FNBP4: variants seen among roughly 807,000 people sequenced by gnomAD.
FNBP4 encodes formin-binding protein 4.
Under a neutral mutation model 119.3 loss-of-function variants are expected in FNBP4, and 34 were observed. The observed-to-expected ratio is 0.28, with a 90% CI of 0.22 to 0.38. The LOEUF is 0.38. Ranked by LOEUF, FNBP4 falls within the 10% of genes least tolerant of loss-of-function variation. The pLI, the probability that FNBP4 is intolerant of heterozygous loss-of-function variation, is 1.00. For synonymous variants in FNBP4, 462 were observed against 430.6 expected (o/e 1.07, Z -0.90); for missense variants, 1,112 against 1,228.9 (o/e 0.90, Z 1.42).
chr11:47,766,928 G>A (rs1027425834), intron 1 of FNBP4, 141 bp downstream of exon 1: 107 of 1,358,462 alleles, frequency 7.9e-5, no homozygotes, highest in Middle Eastern at 2.7e-4. Context: ...GGAGCCCAGG[G>A]CCGCCCCGCC....
At position 47,723,113 on chromosome 11, in the gene FNBP4, G is replaced by C. The variant is rs1195979385; in HGVS notation, c.2668C>G (p.Pro890Ala). 2.5e-6 allele frequency: 4 copies of C among 1,613,886 alleles called. No homozygotes were observed. The highest frequency in any genetic ancestry group is 1.7e-5 in the Admixed American group (1 of 59,958). The change falls in exon 15 of 17, where the codon CCA (proline) becomes GCA (alanine). Residue 890 changes from proline (P) to alanine (A), a missense_variant. Physicochemically the swap from Pro to Ala is conservative, Grantham distance 27. Around this residue, in one of 2 missense-constraint regions of FNBP4, gnomAD observed 826 missense variants for 988.8 expected, o/e 0.84. Coordinates refer to ENST00000263773, the MANE Select transcript of FNBP4 (RefSeq NM_015308.5). ...GGCACAGCACCTCGGGCCTGAACTG[G>C]CTGCAATGAGGGAGCAGTCACTCCA... ...PIGVTAPSLQPVQARGAVPTA... is the reference protein window; with the variant it reads ...PIGVTAPSLQAVQARGAVPTA...
intron 2 of FNBP4, among the ~76,000 whole-genome samples, chr11:47,756,803 T>C (rs1245885732): frequency 1.3e-5 from 2 of 152,258 alleles, no homozygotes; most frequent in Non-Finnish European, 1.5e-5. Flanking sequence ...TGTTTGGTTT[T>C]CTGTCCTTGC....
At chr11:47,718,815 A>G (rs1214759138) in intron 16 of FNBP4, among the ~76,000 whole-genome samples, 1 of 152,020 alleles carries the variant, frequency 6.6e-6, no homozygotes, top group Admixed American at 6.6e-5. Context: ...AGTCTTTAAA[A>G]TTTCTAGAAT....
rs35333558 is a variant in FNBP4 at position 47,755,141 on chromosome 11, T to TA, written c.314-478dup. 9.5e-3 allele frequency among the ~76,000 whole-genome samples: 1,172 copies of TA among 122,728 alleles called. 17 individuals carry two copies. The highest frequency in any genetic ancestry group is 0.033 in the African/African-American group (1,016 of 30,850). 80.5% of individuals were successfully genotyped at this position (122,728 alleles called of 152,430 possible). ...AGAGTAAGACTCTGTCTCCGGGGGT[T>TA]AAAAAAAAAAAAAAAAAATTGATCT... is the stretch of plus-strand genomic sequence containing the variant. On this transcript the variant is annotated intron_variant, in intron 2 of 16. Coordinates refer to ENST00000263773, the MANE Select transcript of FNBP4 (RefSeq NM_015308.5).
intron 2 of FNBP4, among the ~76,000 whole-genome samples, chr11:47,763,535 C>G (rs1324147970): frequency 6.6e-6 from 1 of 151,800 alleles, no homozygotes; most frequent in Non-Finnish European, 1.5e-5. Flanking sequence ...GAGTCTTGCT[C>G]TGTCGCCCAG....
chr11:47,765,567 CGGGG>C lies in FNBP4; in HGVS notation c.221-209_221-206del, dbSNP rs34848619. On this transcript the variant is annotated intron_variant, in intron 1 of 16. Coordinates refer to ENST00000263773, the MANE Select transcript of FNBP4 (RefSeq NM_015308.5). Reference sequence around the variant, plus strand: ...ATCCCAGCACTTTGGGAGGCCAAGACGGGGGGGGGGGGGGGCCACTTGAGGTCAG... The same window carrying C: ...ATCCCAGCACTTTGGGAGGCCAAGACGGGGGGGGGGGCCACTTGAGGTCAG... Among the ~76,000 whole-genome samples the C allele has an allele frequency of 0.021, 750 of 36,404 alleles. 167 individuals carry two copies. In the East Asian group the frequency reaches 0.34, roughly 17 times the overall value. 23.9% of individuals were successfully genotyped at this position (36,404 alleles called of 152,430 possible).
intron 9 of FNBP4, among the ~76,000 whole-genome samples, chr11:47,734,388 C>T (rs923047210): frequency 3.3e-5 from 5 of 152,032 alleles, no homozygotes; most frequent in African/African-American, 1.2e-4. Context: ...TTATTCAAAA[C>T]AATTATTTTG....
chr11:47,734,195 C>T, intron 9 of FNBP4, 66 bp from the exon 10 acceptor site: 1 of 874,406 alleles, frequency 1.1e-6, no homozygotes. Flanking sequence ...ATGTACAATC[C>T]TTCATTTATT....
chr11:47,733,362 G>A (rs888788921), intron 10 of FNBP4, among the ~76,000 whole-genome samples: 3 of 151,532 alleles, frequency 2.0e-5, no homozygotes, highest in Non-Finnish European at 2.9e-5. Flanking sequence ...AGACGGACTC[G>A]GACTCTGGCT....
chr11:47,734,311 A>G (rs1375330674), intron 9 of FNBP4, among the ~76,000 whole-genome samples, 182 bp from the exon 10 acceptor site: 1 of 152,252 alleles, frequency 6.6e-6, no homozygotes, highest in South Asian at 2.1e-4. Flanking sequence ...CATAATACAC[A>G]TAACAAAGTG....
At chr11:47,756,536 GGTTAA>G (rs1178402064) in intron 2 of FNBP4, among the ~76,000 whole-genome samples, 4 of 151,874 alleles carry the variant, frequency 2.6e-5, no homozygotes, top group Non-Finnish European at 2.9e-5. Context: ...TCTGTATGTA[GGTTAA>G]GTTTTTTGTT....
Position 47,744,050 on chromosome 11 carries a change from T to G in FNBP4, c.1359A>C (p.Arg453Ser). 1.2e-6 allele frequency: 2 copies of G among 1,614,154 alleles called. No homozygotes were observed. Among genetic ancestry groups the G allele is most frequent in the African/African-American group, 2.7e-5 (2 of 75,036 alleles). ...CTCGAACAAACATCTTCCATTTTCCTCTTTTAGACATAAGCCTACGCATTC... is the reference window on the plus strand; with the variant it reads ...CTCGAACAAACATCTTCCATTTTCCGCTTTTAGACATAAGCCTACGCATTC... ...QDGMRRLMSKRGKWKMFVRAT... is the reference protein window; with the variant it reads ...QDGMRRLMSKSGKWKMFVRAT... Residue 453 changes from arginine (R) to serine (S), a missense_variant, in exon 8 of 17, where the codon AGA becomes AGC. Physicochemically the swap from Arg to Ser is moderately radical, Grantham distance 110. Transcript: ENST00000263773.
intron 16 of FNBP4, 78 bp from the exon 17 acceptor site, chr11:47,717,590 T>C: frequency 2.8e-6 from 3 of 1,088,600 alleles, no homozygotes; most frequent in East Asian, 2.4e-5. Context: ...AATAAAAATC[T>C]AACTGAAATT....
chr11:47,717,611 T>A, intron 16 of FNBP4, 99 bp from the exon 17 acceptor site: 1 of 828,928 alleles, frequency 1.2e-6, no homozygotes, highest in Non-Finnish European at 2.0e-6. Context: ...AAAAACCTGA[T>A]CTATCACGTC....
chr11:47,720,574 AAAT>A (rs1388321473), intron 15 of FNBP4, among the ~76,000 whole-genome samples: 9 of 93,054 alleles, frequency 9.7e-5, no homozygotes, highest in South Asian at 7.0e-4. Context: ...TCAAAAAAAT[AAAT>A]AAATAAATAA....
At chr11:47,766,964 G>A (rs1293516454) in intron 1 of FNBP4, 105 bp downstream of exon 1, 20 of 1,395,728 alleles carry the variant, frequency 1.4e-5, no homozygotes, top group Non-Finnish European at 1.8e-5. Context: ...GGCAGGCCTC[G>A]GAAGCCGACC....
At chr11:47,722,361 G>A (rs1025521547) in intron 15 of FNBP4, among the ~76,000 whole-genome samples, 3 of 151,208 alleles carry the variant, frequency 2.0e-5, no homozygotes, top group African/African-American at 7.3e-5. Flanking sequence ...CGACTCTCCC[G>A]CCTCAGCCTC....
chr11:47,734,023 A>T lies in FNBP4; in HGVS notation c.1686+2T>A. The T allele has an allele frequency of 7.4e-7, 1 of 1,355,802 alleles. No homozygotes were observed. The highest frequency in any genetic ancestry group is 1.0e-6 in the Non-Finnish European group (1 of 996,314). The allele number at this position is 1,355,802 out of a possible 1,614,324, so 84.0% of individuals were successfully genotyped here. On this transcript the variant is annotated splice_donor_variant, in intron 10 of 16. Coordinates refer to ENST00000263773, the MANE Select transcript of FNBP4 (RefSeq NM_015308.5). LOFTEE classifies it high-confidence loss of function. Reference sequence around the variant, plus strand: ...GCCAAAAAAAAAAAAAAAAAGACTTACCTCAGTCTGTAAGAGCAGCACATG... The same window carrying T: ...GCCAAAAAAAAAAAAAAAAAGACTTTCCTCAGTCTGTAAGAGCAGCACATG...
chr11:47,736,034 T>A (rs1186092082), intron 9 of FNBP4, among the ~76,000 whole-genome samples: 5 of 150,112 alleles, frequency 3.3e-5, no homozygotes, highest in Non-Finnish European at 5.9e-5. Flanking sequence ...GCCGAGATCA[T>A]GCCACTGCAC....
Sources: allele counts gnomAD v4.1 joint callset (sites outside exome capture counted in the v4.1 genomes callset), GRCh38; gene constraint gnomAD v4.1.1; regional missense constraint gnomAD v4.1.1; transcripts MANE v1.5; gene names NCBI Gene and HGNC (gene_info 2026-07-23, HGNC 2026-07-21).